Variants in MGAT5 observed in about 807,000 individuals in gnomAD.
MGAT5 encodes the protein alpha-1,6-mannosylglycoprotein 6-beta-N-acetylglucosaminyltransferase, also known as alpha-1,6-mannosylglycoprotein 6-beta-N-acetylglucosaminyltransferase A.
MGAT5 carries 30 observed loss-of-function variants against 94.3 expected under a neutral mutation model. The observed-to-expected ratio is 0.32, with a 90% confidence interval of 0.24 to 0.43. The LOEUF (loss-of-function observed/expected upper bound fraction) is 0.43. Among genes scored for constraint, MGAT5 ranks in the 20% least tolerant of loss-of-function variants. The pLI is 1.00. For missense variants in MGAT5, 691 were observed against 905.5 expected (o/e 0.76, Z 3.04); for synonymous variants, 310 against 322.9 (o/e 0.96, Z 0.43).
chr2:134,229,442 C>A (rs1037761154), intron 1 of MGAT5, among the ~76,000 whole-genome samples: 5 of 152,182 alleles, frequency 3.3e-5, no homozygotes, highest in African/African-American at 1.2e-4. Flanking sequence ...GTTTTAACAT[C>A]TTTCTGGTTC....
At chr2:134,164,714 A>G (rs1163684424) in intron 1 of MGAT5, among the ~76,000 whole-genome samples, 10 of 152,130 alleles carry the variant, frequency 6.6e-5, no homozygotes, top group Admixed American at 6.6e-4. Flanking sequence ...GTTATTCGTT[A>G]AAAGATGAGA....
chr2:134,433,833 CTTT>C (rs11307289), intron 14 of MGAT5, among the ~76,000 whole-genome samples: 12 of 137,630 alleles, frequency 8.7e-5, no homozygotes, highest in African/African-American at 8.2e-5. Flanking sequence ...GTCCTACCAA[CTTT>C]TTTTTTTTTT....
chr2:134,170,210 TC>T (rs1688140217), intron 1 of MGAT5, among the ~76,000 whole-genome samples: 4 of 152,370 alleles, frequency 2.6e-5, no homozygotes, highest in South Asian at 4.1e-4. Context: ...AGGATTGTTT[TC>T]TAGAAACAAA....
chr2:134,120,537 G>A (rs1173954650), intron 1 of MGAT5, among the ~76,000 whole-genome samples: 1 of 151,892 alleles, frequency 6.6e-6, no homozygotes, highest in African/African-American at 2.4e-5. Flanking sequence ...AAGCCCACCT[G>A]CCCCGGGCAG....
chr2:134,381,395 T>TAAGATA (rs745500845), intron 10 of MGAT5, among the ~76,000 whole-genome samples: 5 of 80,664 alleles, frequency 6.2e-5, no homozygotes, highest in African/African-American at 1.8e-4. Flanking sequence ...GATAGATAGA[T>TAAGATA]AGATAGATAG....
intron 1 of MGAT5, among the ~76,000 whole-genome samples, chr2:134,169,733 G>A (rs1463443950): frequency 6.6e-6 from 1 of 152,078 alleles, no homozygotes; most frequent in Non-Finnish European, 1.5e-5. Flanking sequence ...GGCTCTGCAG[G>A]AAATGATATT....
At chr2:134,213,986 A>G (rs1680337162) in intron 1 of MGAT5, among the ~76,000 whole-genome samples, 1 of 151,986 alleles carries the variant, frequency 6.6e-6, no homozygotes, top group Non-Finnish European at 1.5e-5. Context: ...GAAAGTTCCA[A>G]TCCTCTAGTC....
chr2:134,238,547 A>G (rs976791063), intron 1 of MGAT5, among the ~76,000 whole-genome samples: 3 of 152,188 alleles, frequency 2.0e-5, no homozygotes, highest in African/African-American at 7.2e-5. Context: ...CTTTTCTGGG[A>G]TCATCCCACA....
intron 9 of MGAT5, among the ~76,000 whole-genome samples, chr2:134,358,753 A>G (rs2106096468): frequency 6.6e-6 from 1 of 152,362 alleles, no homozygotes; most frequent in East Asian, 1.9e-4. Context: ...ATAGTTTAAA[A>G]GATGATATTA....
chr2:134,310,306 C>T (rs374834431), intron 2 of MGAT5, among the ~76,000 whole-genome samples: 64 of 152,174 alleles, frequency 4.2e-4, no homozygotes, highest in African/African-American at 1.5e-3. Flanking sequence ...AAGGCAAATG[C>T]CTCGTTGAAC....
chr2:134,193,670 A>G (rs1451153018), intron 1 of MGAT5, among the ~76,000 whole-genome samples: 1 of 124,904 alleles, frequency 8.0e-6, no homozygotes, highest in Non-Finnish European at 1.7e-5. Context: ...ACATACCCCA[A>G]ATCTTTGTGT....
rs150819045 is a variant in MGAT5 at position 134,381,364 on chromosome 2, T to TAGATAGATAGATAAGATA, written c.1380+18961_1380+18962insGATAGATAAGATAAGATA. Among the ~76,000 whole-genome samples, 20 of 95,664 alleles carry TAGATAGATAGATAAGATA rather than the reference T, an allele frequency of 2.1e-4. No homozygotes were observed. In the South Asian group the frequency reaches 2.6e-3, roughly 13 times the overall value. The allele number at this position is 95,664 out of a possible 152,430, so 62.8% of individuals were successfully genotyped here. On this transcript the variant is annotated intron_variant, in intron 10 of 15. Coordinates refer to ENST00000281923, the MANE Select transcript of MGAT5 (RefSeq NM_002410.5). Reference sequence around the variant, plus strand: ...ATAGATAGATAGATAGATAGATAGATAGATAAGATAAGATAGATTAGATAG... The same window carrying TAGATAGATAGATAAGATA: ...ATAGATAGATAGATAGATAGATAGATAGATAGATAGATAAGATAAGATAAGATAAGATAGATTAGATAG...
intron 1 of MGAT5, chr2:134,120,385 AC>A: frequency 2.8e-6 from 1 of 355,784 alleles, no homozygotes; most frequent in Non-Finnish European, 5.1e-6. Context: ...GGCACGGGGA[AC>A]CAGGCGCGGG....
At chr2:134,387,330 A>ATTTT (rs1273275881) in intron 10 of MGAT5, among the ~76,000 whole-genome samples, 15 of 39,350 alleles carry the variant, frequency 3.8e-4, no homozygotes, top group Admixed American at 1.2e-3. Flanking sequence ...ATATATATAT[A>ATTTT]TATTTTTTTT....
intron 11 of MGAT5, among the ~76,000 whole-genome samples, chr2:134,407,086 A>G (rs1683384173): frequency 6.6e-6 from 1 of 152,108 alleles, no homozygotes; most frequent in Non-Finnish European, 1.5e-5. Context: ...GATCTCTGAG[A>G]TTTCTTCCTG....
At chr2:134,334,821 T>C (rs1225051312) in intron 4 of MGAT5, among the ~76,000 whole-genome samples, 1 of 152,146 alleles carries the variant, frequency 6.6e-6, no homozygotes, top group Non-Finnish European at 1.5e-5. Context: ...GTAATTAGAC[T>C]GTAGGCCTCC....
chr2:134,231,892 G>C (rs958712945), intron 1 of MGAT5, among the ~76,000 whole-genome samples: 2 of 152,170 alleles, frequency 1.3e-5, no homozygotes, highest in Non-Finnish European at 2.9e-5. Flanking sequence ...CCAGTGAGTT[G>C]AGGAAGAAGG....
intron 1 of MGAT5, among the ~76,000 whole-genome samples, chr2:134,246,249 C>T (rs950218720): frequency 3.3e-5 from 5 of 151,562 alleles, no homozygotes; most frequent in African/African-American, 1.2e-4. Flanking sequence ...AGCACCCTGC[C>T]TGCTCCTGAG....
chr2:134,272,175 A>G (rs920803990), intron 2 of MGAT5, among the ~76,000 whole-genome samples: 2 of 152,160 alleles, frequency 1.3e-5, no homozygotes, highest in African/African-American at 4.8e-5. Context: ...GTACACCTCT[A>G]AGAAGGAAAT....
Sources: allele counts gnomAD v4.1 joint callset (sites outside exome capture counted in the v4.1 genomes callset), GRCh38; gene constraint gnomAD v4.1.1; transcripts MANE v1.5; gene names NCBI Gene and HGNC (gene_info 2026-07-23, HGNC 2026-07-21).